The following HMGCLL1 variants were observed in gnomAD, a reference collection of about 807,000 sequenced individuals.
HMGCLL1 encodes the protein 3-hydroxymethyl-3-methylglutaryl-CoA lyase, cytoplasmic.
A neutral mutation model predicts 39.1 loss-of-function variants in HMGCLL1; 36 were observed. The observed-to-expected ratio is 0.92, with a 90% CI of 0.71 to 1.22. The LOEUF (loss-of-function observed/expected upper bound fraction) is 1.22, where lower values mean the gene tolerates loss of function less well. HMGCLL1 is among the 50% of genes most tolerant of loss of function. The probability of loss-of-function intolerance (pLI) is 0.00; values close to 1 mark genes in which losing one functional copy is unlikely to be tolerated. For missense variants in HMGCLL1, 451 were observed against 416.5 expected, an observed-to-expected ratio of 1.08 and a Z score of -0.72; for synonymous variants, 149 against 144.0, an observed-to-expected ratio of 1.03 and a Z score of -0.25.
intron 7 of HMGCLL1, among the ~76,000 whole-genome samples, chr6:55,463,591 T>C (rs576547066): frequency 6.6e-6 from 1 of 152,272 alleles, no homozygotes; most frequent in African/African-American, 2.4e-5. Flanking sequence ...AATATAATAA[T>C]ACAAATATAA....
At chr6:55,441,014 A>G (rs988287925) in intron 7 of HMGCLL1, among the ~76,000 whole-genome samples, 85 of 152,196 alleles carry the variant, frequency 5.6e-4, no homozygotes, top group African/African-American at 2.0e-3. Context: ...AATGATACTT[A>G]TTAAAGCACA....
At chr6:55,484,260 T>C (rs1012093048) in intron 7 of HMGCLL1, among the ~76,000 whole-genome samples, 1 of 152,058 alleles carries the variant, frequency 6.6e-6, no homozygotes, top group African/African-American at 2.4e-5. Context: ...AAACCCTTTT[T>C]TGAGACTCTA....
intron 7 of HMGCLL1, among the ~76,000 whole-genome samples, chr6:55,445,657 CATGT>C (rs748952088): frequency 1.1e-4 from 17 of 151,856 alleles, no homozygotes; most frequent in African/African-American, 3.9e-4. Context: ...GGTGTGCATG[CATGT>C]GTGTGTGTGT....
At chr6:55,449,205 C>T (rs9475295) in intron 7 of HMGCLL1, among the ~76,000 whole-genome samples, 45,784 of 152,056 alleles carry the variant, frequency 0.3, 7,255 homozygotes, top group African/African-American at 0.42. Context: ...TCTTCCAGGA[C>T]CCTCAGCTAG....
At chr6:55,494,450 T>A (rs567652183) in intron 7 of HMGCLL1, among the ~76,000 whole-genome samples, 1 of 152,182 alleles carries the variant, frequency 6.6e-6, no homozygotes, top group Non-Finnish European at 1.5e-5. Context: ...AAAATTCCCA[T>A]GCCCCAAAGA....
At chr6:55,560,949 C>T (rs1770916163) in intron 1 of HMGCLL1, among the ~76,000 whole-genome samples, 1 of 151,980 alleles carries the variant, frequency 6.6e-6, no homozygotes, top group Non-Finnish European at 1.5e-5. Flanking sequence ...AAAAATAAAC[C>T]ACAGTGGTTG....
the HMGCLL1 span, among the ~76,000 whole-genome samples, chr6:55,597,515 TA>T: frequency 2.7e-3 from 380 of 142,970 alleles, no homozygotes; most frequent in East Asian, 0.015. Flanking sequence ...ATTAAGATGT[TA>T]AAAAAAAAAA....
At chr6:55,513,038 A>T (rs1767543701) in intron 5 of HMGCLL1, 1 of 152,162 alleles carries the variant, frequency 6.6e-6, no homozygotes, top group African/African-American at 2.4e-5. Flanking sequence ...GGAAGCAGAC[A>T]AGCACCAAGG....
intron 5 of HMGCLL1, among the ~76,000 whole-genome samples, chr6:55,506,041 T>C (rs150271872): frequency 1.3e-5 from 2 of 151,786 alleles, no homozygotes; most frequent in East Asian, 3.9e-4. Flanking sequence ...AGTAAACTGC[T>C]GAACTAGGCT....
At chr6:55,525,403 C>T (rs1275061579) in intron 3 of HMGCLL1, among the ~76,000 whole-genome samples, 2 of 151,978 alleles carry the variant, frequency 1.3e-5, no homozygotes, top group East Asian at 1.9e-4. Context: ...ATTGGAATGA[C>T]TTAATTATTT....
intron 7 of HMGCLL1, among the ~76,000 whole-genome samples, chr6:55,459,087 C>A (rs2127394445): frequency 6.6e-6 from 1 of 152,220 alleles, no homozygotes; most frequent in African/African-American, 2.4e-5. Flanking sequence ...AGCCTCCTCT[C>A]CTGTCAAAAT....
intron 3 of HMGCLL1, among the ~76,000 whole-genome samples, chr6:55,536,913 T>G (rs1279658629): frequency 6.6e-6 from 1 of 152,180 alleles, no homozygotes; most frequent in Non-Finnish European, 1.5e-5. Flanking sequence ...ACTAGAGGAC[T>G]ATTCCCATGA....
At chr6:55,495,921 T>G (rs1766551641) in intron 6 of HMGCLL1, among the ~76,000 whole-genome samples, 1 of 152,170 alleles carries the variant, frequency 6.6e-6, no homozygotes, top group South Asian at 2.1e-4. Flanking sequence ...GGGAGGCGTA[T>G]GTTTCTCAAC....
intron 7 of HMGCLL1, among the ~76,000 whole-genome samples, chr6:55,441,678 A>G (rs59440516): frequency 0.032 from 4,898 of 151,600 alleles, 118 homozygotes; most frequent in African/African-American, 0.061. Context: ...AGTATAAGTC[A>G]TGTTTTTGTT....
chr6:55,600,306 A>G, the HMGCLL1 span, among the ~76,000 whole-genome samples: 1 of 152,160 alleles, frequency 6.6e-6, no homozygotes, highest in Non-Finnish European at 1.5e-5. Flanking sequence ...CCTTTGCTTA[A>G]ACTAACTTCT....
chr6:55,460,968 GAC>G (rs1764535097), intron 7 of HMGCLL1, among the ~76,000 whole-genome samples: 1 of 151,886 alleles, frequency 6.6e-6, no homozygotes, highest in South Asian at 2.1e-4. Flanking sequence ...TAAAATATAA[GAC>G]ACAATATTTT....
intron 1 of HMGCLL1, among the ~76,000 whole-genome samples, chr6:55,565,480 T>A (rs1423108922): frequency 6.6e-6 from 1 of 152,144 alleles, no homozygotes; most frequent in African/African-American, 2.4e-5. Flanking sequence ...TCCCATGTGA[T>A]GTAAGTTGCA....
the HMGCLL1 span, among the ~76,000 whole-genome samples, chr6:55,625,050 G>A: frequency 4.6e-5 from 7 of 152,110 alleles, no homozygotes; most frequent in Non-Finnish European, 8.8e-5. Context: ...GGCAGATAGG[G>A]ATGCTGTTTG....
At chr6:55,644,902 T>A in the HMGCLL1 span, among the ~76,000 whole-genome samples, 2,503 of 152,012 alleles carry the variant, frequency 0.016, 85 homozygotes, top group African/African-American at 0.057. Flanking sequence ...ACTCCACATA[T>A]GTTTTAACAT....
Sources: allele counts gnomAD v4.1 joint callset (sites outside exome capture counted in the v4.1 genomes callset), GRCh38; gene constraint gnomAD v4.1.1; transcripts MANE v1.5; gene names NCBI Gene and HGNC (gene_info 2026-07-23, HGNC 2026-07-21).